Variants in SGCZ observed in about 807,000 individuals in gnomAD.
SGCZ encodes the protein sarcoglycan zeta.
SGCZ carries 40 observed loss-of-function variants against 41.3 expected under a neutral mutation model. The ratio of observed to expected loss-of-function variants is 0.97; its 90% CI spans 0.75 to 1.26. SGCZ has a LOEUF of 1.26. Ranked by LOEUF, SGCZ falls within the 50% of genes most tolerant of loss-of-function variation. The pLI is 0.00. For missense variants in SGCZ, 552 were observed against 369.8 expected (o/e 1.49, Z -4.04); for synonymous variants, 206 against 137.5 (o/e 1.50, Z -3.49).
intron 1 of SGCZ, among the ~76,000 whole-genome samples, chr8:15,091,464 C>T (rs561121717): frequency 1.8e-4 from 27 of 152,294 alleles, no homozygotes; most frequent in Non-Finnish European, 3.2e-4. Context: ...TCATTCAATG[C>T]CATGTAAGAT....
At chr8:14,308,047 C>A (rs183563141) in intron 3 of SGCZ, among the ~76,000 whole-genome samples, 1 of 152,028 alleles carries the variant, frequency 6.6e-6, no homozygotes, top group African/African-American at 2.4e-5. Flanking sequence ...TTCGGGGGAA[C>A]AATATCTTAG....
chr8:14,242,173 G>A (rs1798914957), intron 3 of SGCZ, among the ~76,000 whole-genome samples: 1 of 152,186 alleles, frequency 6.6e-6, no homozygotes, highest in African/African-American at 2.4e-5. Flanking sequence ...TAGTAATATT[G>A]TTGAGAAGAT....
At chr8:14,218,729 T>C (rs1225012115) in intron 4 of SGCZ, among the ~76,000 whole-genome samples, 2 of 152,248 alleles carry the variant, frequency 1.3e-5, no homozygotes, top group African/African-American at 4.8e-5. Context: ...TTTTCTTATT[T>C]GAGTTCAAAA....
At chr8:14,242,751 G>A (rs921171501) in intron 3 of SGCZ, among the ~76,000 whole-genome samples, 20 of 151,938 alleles carry the variant, frequency 1.3e-4, no homozygotes, top group African/African-American at 4.8e-4. Flanking sequence ...AGCTAAAAAA[G>A]GTAACAAGCC....
chr8:14,753,304 GC>G (rs1436056278), intron 1 of SGCZ, among the ~76,000 whole-genome samples: 2 of 152,016 alleles, frequency 1.3e-5, no homozygotes, highest in Non-Finnish European at 2.9e-5. Context: ...CATTCTCCCT[GC>G]CCCACAGGTT....
chr8:14,436,421 T>G (rs928108596), intron 2 of SGCZ, among the ~76,000 whole-genome samples: 7 of 152,330 alleles, frequency 4.6e-5, no homozygotes, highest in Non-Finnish European at 8.8e-5. Flanking sequence ...TAACAATACA[T>G]TCAGGATAAT....
intron 3 of SGCZ, among the ~76,000 whole-genome samples, chr8:14,275,955 A>C (rs1297157363): frequency 6.6e-6 from 1 of 152,182 alleles, no homozygotes; most frequent in Non-Finnish European, 1.5e-5. Context: ...AACCTTTTAA[A>C]TCTCTCAGGC....
intron 1 of SGCZ, among the ~76,000 whole-genome samples, chr8:14,595,054 T>C (rs549211106): frequency 7.3e-5 from 11 of 150,466 alleles, no homozygotes; most frequent in African/African-American, 2.5e-4. Flanking sequence ...ATTATAGAAA[T>C]GGCTTTACTT....
rs376113007 is a variant in SGCZ, at chr8:14,513,155, G to T, written c.234+41577C>A. Among the ~76,000 whole-genome samples, 9 of 152,058 alleles carry T rather than the reference G, an allele frequency of 5.9e-5. No homozygotes were observed. In the South Asian group the frequency reaches 1.0e-3, roughly 18 times the overall value. On this transcript the variant is annotated intron_variant, in intron 2 of 7. Transcript: ENST00000382080. ...CCTCCCAGGCTCAAGCAATCCTCTT[G>T]CCTCAGCCTCCCAAGTAGCTGAGTC...
At chr8:14,934,257 G>A (rs1371793613) in intron 1 of SGCZ, among the ~76,000 whole-genome samples, 1 of 151,874 alleles carries the variant, frequency 6.6e-6, no homozygotes, top group East Asian at 1.9e-4. Flanking sequence ...AGAATAGACA[G>A]CAGAATAAAA....
At chr8:15,057,326 A>T (rs76450959) in intron 1 of SGCZ, among the ~76,000 whole-genome samples, 9 of 152,182 alleles carry the variant, frequency 5.9e-5, no homozygotes, top group Non-Finnish European at 1.3e-4. Context: ...GGGACTCCCT[A>T]CTTGGTGTTC....
At chr8:14,127,018 T>C (rs1362146085) in intron 5 of SGCZ, among the ~76,000 whole-genome samples, 3 of 152,062 alleles carry the variant, frequency 2.0e-5, no homozygotes, top group Non-Finnish European at 4.4e-5. Context: ...AAATACCTAA[T>C]GCATGTGTGG....
intron 1 of SGCZ, among the ~76,000 whole-genome samples, chr8:14,933,144 C>T (rs1416671184): frequency 1.3e-5 from 2 of 151,922 alleles, no homozygotes; most frequent in Non-Finnish European, 2.9e-5. Context: ...TGGCTCACTA[C>T]GTCGGTAACA....
At chr8:15,065,233 C>T (rs532554772) in intron 1 of SGCZ, among the ~76,000 whole-genome samples, 89 of 152,176 alleles carry the variant, frequency 5.8e-4, no homozygotes, top group Non-Finnish European at 1.1e-3. Context: ...TTTCTCACCC[C>T]TTCCCCTGCA....
At chr8:14,626,470 A>C (rs1048354740) in intron 1 of SGCZ, among the ~76,000 whole-genome samples, 1 of 152,092 alleles carries the variant, frequency 6.6e-6, no homozygotes, top group African/African-American at 2.4e-5. Flanking sequence ...GTCTCTTCTA[A>C]ATTCATCTGG....
intron 1 of SGCZ, among the ~76,000 whole-genome samples, chr8:15,224,379 C>T (rs1046979150): frequency 6.6e-6 from 1 of 151,668 alleles, no homozygotes; most frequent in African/African-American, 2.4e-5. Flanking sequence ...CAGTGTAATA[C>T]TTTTAATATC....
At chr8:15,113,182 C>T (rs55763341) in intron 1 of SGCZ, among the ~76,000 whole-genome samples, 30,912 of 147,882 alleles carry the variant, frequency 0.21, 3,659 homozygotes, top group Non-Finnish European at 0.27. Context: ...GCACTCTAGC[C>T]TGGGCAAGAG....
intron 1 of SGCZ, among the ~76,000 whole-genome samples, chr8:15,025,131 AT>A (rs1167534471): frequency 6.6e-6 from 1 of 152,046 alleles, no homozygotes; most frequent in Non-Finnish European, 1.5e-5. Flanking sequence ...TATGAATCAA[AT>A]TTGTTGGAAT....
chr8:14,289,143 AGG>A lies in SGCZ; in HGVS notation c.336+34958_336+34959del, dbSNP rs1563236857. 2.0e-5 allele frequency among the ~76,000 whole-genome samples: 3 copies of A among 151,980 alleles called. No homozygotes were observed. In the South Asian group the frequency reaches 6.2e-4, roughly 32 times the overall value. ...CAGTTGTCTTCATGTTTTTAATTAC[AGG>A]GATTCTTTAATTATTTTGGATGTTA... On this transcript the variant is annotated intron_variant, in intron 3 of 7. Transcript: ENST00000382080.
Sources: allele counts gnomAD v4.1 joint callset (sites outside exome capture counted in the v4.1 genomes callset), GRCh38; gene constraint gnomAD v4.1.1; transcripts MANE v1.5; gene names NCBI Gene and HGNC (gene_info 2026-07-23, HGNC 2026-07-21).